Variants in TOGARAM2 observed in about 807,000 individuals in gnomAD.
TOGARAM2 encodes TOG array regulator of axonemal microtubules protein 2.
A neutral mutation model predicts 93.3 loss-of-function variants in TOGARAM2; 85 were observed. The observed-to-expected ratio is 0.91, with a 90% CI of 0.76 to 1.09. The LOEUF (loss-of-function observed/expected upper bound fraction) is 1.09. Ranked by LOEUF, TOGARAM2 falls within the 50% of genes least tolerant of loss-of-function variation. The pLI is 0.00. For missense variants in TOGARAM2, 1,277 were observed against 1,334.5 expected (o/e 0.96, Z 0.67); for synonymous variants, 593 against 552.8 (o/e 1.07, Z -1.02).
intron 5 of TOGARAM2, among the ~76,000 whole-genome samples, chr2:29,003,228 C>T (rs766197812): frequency 1.3e-5 from 2 of 152,174 alleles, no homozygotes; most frequent in Non-Finnish European, 2.9e-5. Context: ...AGAGGTTTGG[C>T]CCAGATGTGT....
chr2:28,976,530 G>A (rs1268642753), upstream of TOGARAM2, among the ~76,000 whole-genome samples: 1 of 152,118 alleles, frequency 6.6e-6, no homozygotes, highest in Non-Finnish European at 1.5e-5. Context: ...TCTCTGACAC[G>A]TCCTTTTGTG....
chr2:29,033,490 C>T lies in TOGARAM2; in HGVS notation c.2152C>T (p.Leu718Phe), dbSNP rs776732173. The stretch of plus-strand genomic sequence containing the variant: ...CAAGGGAATAGAAGATAATGATGAA[C>T]TTCCCTCTGCCAAAGGCCGCAAGGT... ...KQQGIEDNDE[L>F]PSAKGRKVLR... Residue 718 changes from leucine to phenylalanine, a missense_variant, in exon 16 of 20, where the codon CTT becomes TTT. Coordinates refer to ENST00000379558, the MANE Select transcript of TOGARAM2 (RefSeq NM_199280.4). The T allele has an allele frequency of 1.1e-4, 175 of 1,613,566 alleles. 2 individuals carry two copies. In the South Asian group the frequency reaches 1.9e-3, roughly 17 times the overall value.
upstream of TOGARAM2, among the ~76,000 whole-genome samples, chr2:28,977,726 C>T (rs972132038): frequency 2.6e-5 from 4 of 152,106 alleles, no homozygotes; most frequent in African/African-American, 7.2e-5. Flanking sequence ...GTGTGGCTGG[C>T]TGGTGGGCCA....
intron 1 of TOGARAM2, among the ~76,000 whole-genome samples, chr2:28,965,252 C>T (rs115385354): frequency 0.018 from 2,695 of 152,268 alleles, 72 homozygotes; most frequent in African/African-American, 0.061. Context: ...AGAGTATTTT[C>T]ATGTAGTTTA....
chr2:28,969,812 CTT>C (rs66931912), intron 1 of TOGARAM2, among the ~76,000 whole-genome samples: 7 of 127,858 alleles, frequency 5.5e-5, no homozygotes, highest in Admixed American at 8.4e-5. Flanking sequence ...GGTTGTCTTC[CTT>C]TTTTTTTTTT....
chr2:29,016,663 GC>G (rs1375511732), intron 8 of TOGARAM2, among the ~76,000 whole-genome samples: 1 of 152,100 alleles, frequency 6.6e-6, no homozygotes, highest in Non-Finnish European at 1.5e-5. Context: ...CCTTTCCTTG[GC>G]CCGGGTGATG....
At chr2:29,015,156 G>A (rs577661699) in intron 8 of TOGARAM2, among the ~76,000 whole-genome samples, 1 of 151,940 alleles carries the variant, frequency 6.6e-6, no homozygotes, top group Non-Finnish European at 1.5e-5. Flanking sequence ...TATCTTGAAG[G>A]CCTCCTGGGT....
rs1572659730 is a variant in TOGARAM2 at position 28,998,268 on chromosome 2, C to T, written c.139+15C>T. The T allele has an allele frequency of 6.3e-7, 1 of 1,582,836 alleles. No individual in the cohort carries two copies. Among genetic ancestry groups the T allele is most frequent in the East Asian group, 2.3e-5 (1 of 43,994 alleles). On this transcript the variant is annotated intron_variant, in intron 3 of 19. Transcript: ENST00000379558. ...TCATGGAGAAGGTGAGATGGGAAGA[C>T]CTCACCTGGTCAGGGCCCCTGGCCT...
At chr2:29,033,357 A>G (rs957436738) in intron 15 of TOGARAM2, 112 bp from the exon 16 acceptor site, 13 of 1,004,754 alleles carry the variant, frequency 1.3e-5, no homozygotes, top group Middle Eastern at 2.1e-4. Context: ...TGACATCTGA[A>G]GCTCTCCTAG....
chr2:29,005,455 G>T (rs1472485551), intron 6 of TOGARAM2, among the ~76,000 whole-genome samples: 1 of 142,874 alleles, frequency 7.0e-6, no homozygotes, highest in African/African-American at 2.7e-5. Context: ...GTATGTGAGA[G>T]CATGTGTGAC....
At chr2:28,991,540 C>A (rs146598000) in intron 1 of TOGARAM2, among the ~76,000 whole-genome samples, 6 of 152,168 alleles carry the variant, frequency 3.9e-5, no homozygotes, top group Non-Finnish European at 8.8e-5. Context: ...TGGCTGGAGA[C>A]GTCTCAGAGG....
intron 14 of TOGARAM2, among the ~76,000 whole-genome samples, chr2:29,029,485 G>T (rs1253734776): frequency 6.6e-6 from 1 of 152,274 alleles, no homozygotes; most frequent in South Asian, 2.1e-4. Flanking sequence ...GGCCGGGTGC[G>T]GTGGCTCACG....
chr2:29,025,983 A>G (rs1250117000), intron 13 of TOGARAM2, among the ~76,000 whole-genome samples: 3 of 152,016 alleles, frequency 2.0e-5, no homozygotes, highest in Admixed American at 2.0e-4. Flanking sequence ...TGGGGCGGAG[A>G]AGGCAACCAG....
chr2:29,018,055 G>A lies in TOGARAM2; in HGVS notation c.1360+99G>A, dbSNP rs542922725. On this transcript the variant is annotated intron_variant, in intron 10 of 19. Coordinates refer to ENST00000379558, the MANE Select transcript of TOGARAM2 (RefSeq NM_199280.4). The stretch of plus-strand genomic sequence containing the variant: ...AGGTGACCTCGGTGGCTTTGCTTCC[G>A]CCCCTTGTCCATGTTAGACCAGGAG... 90 of 1,363,358 alleles carry A rather than the reference G, an allele frequency of 6.6e-5. 2 individuals are homozygous for A. The South Asian group carries it at 1.1e-3, about 17-fold the overall frequency. The allele number at this position is 1,363,358 out of a possible 1,614,324, so 84.5% of individuals were successfully genotyped here.
intron 1 of TOGARAM2, among the ~76,000 whole-genome samples, chr2:28,958,634 G>C (rs112747873): frequency 1.3e-5 from 2 of 152,164 alleles, no homozygotes. Context: ...GAGTGCACAC[G>C]TGTGTATTGG....
intron 3 of TOGARAM2, 100 bp from the exon 4 acceptor site, chr2:28,999,081 T>C: frequency 1.6e-6 from 2 of 1,255,594 alleles, no homozygotes; most frequent in Non-Finnish European, 2.2e-6. Context: ...ACCAGGCAAG[T>C]GGCTGCCTGT....
chr2:28,990,452 C>T (rs1046642951), intron 1 of TOGARAM2, among the ~76,000 whole-genome samples: 1 of 152,182 alleles, frequency 6.6e-6, no homozygotes, highest in African/African-American at 2.4e-5. Context: ...TCTGGGTCTC[C>T]CCCGATGGCC....
intron 4 of TOGARAM2, among the ~76,000 whole-genome samples, chr2:29,000,905 A>T (rs1673253854): frequency 6.6e-6 from 1 of 152,184 alleles, no homozygotes; most frequent in Admixed American, 6.5e-5. Context: ...CCAGACCAAC[A>T]ACTCTCTCCC....
chr2:28,997,706 G>C (rs189767171), intron 2 of TOGARAM2, among the ~76,000 whole-genome samples: 1 of 152,308 alleles, frequency 6.6e-6, no homozygotes, highest in Admixed American at 6.5e-5. Context: ...TGGTCAGGGC[G>C]GAAGCCGTAG....
Sources: gnomAD v4.1 joint callset for allele counts (sites outside exome capture counted in the v4.1 genomes callset) on GRCh38, gnomAD v4.1.1 for gene constraint, MANE v1.5 for transcripts, NCBI Gene and HGNC (gene_info 2026-07-23, HGNC 2026-07-21) for gene names.